The following HACE1 variants were observed in gnomAD, a reference collection of about 807,000 sequenced individuals.
HACE1 encodes the protein HECT domain and ankyrin repeat containing E3 ubiquitin protein ligase 1.
In HACE1, 73 loss-of-function variants were observed where a neutral mutation model predicts 118.4. The observed-to-expected ratio is 0.62, with a 90% CI of 0.51 to 0.75. HACE1 has a LOEUF of 0.75. HACE1 is among the 30% of genes least tolerant of loss of function. HACE1 has a pLI of 0.00. For synonymous variants in HACE1, 368 were observed against 374.8 expected (o/e 0.98, Z 0.21); for missense variants, 749 against 1,102.2 (o/e 0.68, Z 4.54).
chr6:104,778,375 A>T (rs1041761319), intron 14 of HACE1, among the ~76,000 whole-genome samples: 13 of 151,052 alleles, frequency 8.6e-5, no homozygotes, highest in African/African-American at 2.2e-4. Flanking sequence ...AGAGTAACAC[A>T]ATATATATAT....
rs1247743710 is a variant in HACE1 at position 104,728,665 on chromosome 6, TC to T, written c.*996del. On this transcript the variant is annotated 3_prime_UTR_variant, in exon 24 of 24. Coordinates refer to ENST00000262903, the MANE Select transcript of HACE1 (RefSeq NM_020771.4). ...TTAGCATTTCTTCGTGTATGCATGTTCCTACTTCCTGTTCAAACATATGCTG... is the reference window on the plus strand; with the variant it reads ...TTAGCATTTCTTCGTGTATGCATGTTCTACTTCCTGTTCAAACATATGCTG... The T allele has an allele frequency of 1.3e-5, 2 of 152,180 alleles. No individual in the cohort carries two copies. Among genetic ancestry groups the T allele is most frequent in the African/African-American group, 4.8e-5 (2 of 41,458 alleles). The allele number at this position is 152,180 out of a possible 1,614,324, so 9.4% of individuals were successfully genotyped here. A position where few individuals can be genotyped will look rare whatever the true frequency, so the allele number is the denominator to read the frequency against.
At chr6:104,851,153 G>A (rs1217043718) in intron 2 of HACE1, among the ~76,000 whole-genome samples, 157 bp from the exon 3 acceptor site, 1 of 152,134 alleles carries the variant, frequency 6.6e-6, no homozygotes, top group African/African-American at 2.4e-5. Context: ...GCGAGATCTT[G>A]GCTCACTGCA....
intron 6 of HACE1, chr6:104,824,939 C>T (rs1330761401): frequency 2.6e-5 from 4 of 151,480 alleles, no homozygotes; most frequent in Non-Finnish European, 4.4e-5. Flanking sequence ...AAAAATTAGC[C>T]GGGCGTGGTG....
chr6:104,744,163 C>A lies in HACE1; in HGVS notation c.2510G>T (p.Gly837Val), dbSNP rs1435397744. The A allele has an allele frequency of 2.6e-6, 4 of 1,562,228 alleles. No homozygotes were observed. Among genetic ancestry groups the A allele is most frequent in the Non-Finnish European group, 3.5e-6 (4 of 1,133,010 alleles). Residue 837 changes from glycine (G) to valine (V), a missense_variant, in exon 22 of 24, where the codon GGC becomes GTC. Gly to Val is a moderately radical substitution (Grantham distance 109). Coordinates refer to ENST00000262903, the MANE Select transcript of HACE1 (RefSeq NM_020771.4). ...ERVLLLQFVT[G>V]SSRVPHGGFA... ...TTATCATAAAAATACTGCTTACCTG[C>A]CCGTAACAAACTGTAAGAGAAGAAC... is the stretch of plus-strand genomic sequence containing the variant.
chr6:104,849,065 G>A, intron 4 of HACE1, 77 bp downstream of exon 4: 2 of 816,912 alleles, frequency 2.4e-6, no homozygotes, highest in Non-Finnish European at 4.4e-6. Flanking sequence ...GATGCGGGAG[G>A]AATCATCAAA....
chr6:104,844,836 G>A (rs980087550), intron 4 of HACE1, among the ~76,000 whole-genome samples: 3 of 150,750 alleles, frequency 2.0e-5, no homozygotes, highest in African/African-American at 7.3e-5. Context: ...CTAATTTTTC[G>A]TATTTTTAGT....
intron 7 of HACE1, among the ~76,000 whole-genome samples, chr6:104,808,003 A>G (rs950328250): frequency 6.6e-6 from 1 of 152,142 alleles, no homozygotes; most frequent in African/African-American, 2.4e-5. Context: ...CCCAGGCAAC[A>G]TGGCAAAACG....
intron 5 of HACE1, among the ~76,000 whole-genome samples, chr6:104,842,061 T>C (rs540673933): frequency 2.0e-5 from 3 of 152,300 alleles, no homozygotes; most frequent in Admixed American, 2.0e-4. Context: ...AATTTTATCT[T>C]TGGGATGCAG....
intron 22 of HACE1, among the ~76,000 whole-genome samples, chr6:104,734,332 C>T (rs543506789): frequency 8.6e-5 from 13 of 151,760 alleles, no homozygotes; most frequent in South Asian, 8.3e-4. Context: ...AGTAAGGTTG[C>T]GCTAAATTAT....
chr6:104,791,441 ATGCTTTGTC>A, intron 11 of HACE1, 54 bp downstream of exon 11: 1 of 1,404,692 alleles, frequency 7.1e-7, no homozygotes, highest in Non-Finnish European at 1.0e-6. Flanking sequence ...TAATGAATGC[ATGCTTTGTC>A]AAATTCATCT....
At chr6:104,828,633 T>C (rs1773562891) in intron 6 of HACE1, among the ~76,000 whole-genome samples, 1 of 152,074 alleles carries the variant, frequency 6.6e-6, no homozygotes. Context: ...GGTGCTATTA[T>C]GCTACAATGA....
intron 6 of HACE1, among the ~76,000 whole-genome samples, chr6:104,823,589 A>G (rs1236723203): frequency 2.6e-5 from 4 of 152,096 alleles, no homozygotes; most frequent in Non-Finnish European, 5.9e-5. Context: ...TCAATAGCGC[A>G]CTTGCAGATA....
At chr6:104,836,000 CAT>C (rs1220029959) in intron 5 of HACE1, among the ~76,000 whole-genome samples, 1 of 152,190 alleles carries the variant, frequency 6.6e-6, no homozygotes, top group Non-Finnish European at 1.5e-5. Context: ...AGACTCAAGT[CAT>C]ATCAAACATG....
At chr6:104,786,305 C>A (rs1268049467) in intron 11 of HACE1, 1 of 145,730 alleles carries the variant, frequency 6.9e-6, no homozygotes, top group Non-Finnish European at 1.5e-5. Flanking sequence ...CACACCACTG[C>A]ACTCCAGCCT....
At chr6:104,798,069 GAA>G (rs11331345) in intron 7 of HACE1, among the ~76,000 whole-genome samples, 54 of 128,166 alleles carry the variant, frequency 4.2e-4, no homozygotes, top group African/African-American at 6.2e-4. Flanking sequence ...ACCCCGTCTC[GAA>G]AAAAAAAAAA....
intron 5 of HACE1, among the ~76,000 whole-genome samples, chr6:104,835,363 A>G (rs1465531334): frequency 6.6e-6 from 1 of 152,200 alleles, no homozygotes; most frequent in African/African-American, 2.4e-5. Context: ...AGAAAAAACT[A>G]TATTTAATAC....
chr6:104,857,449 T>C (rs1344845982), intron 1 of HACE1, among the ~76,000 whole-genome samples: 1 of 151,668 alleles, frequency 6.6e-6, no homozygotes, highest in Non-Finnish European at 1.5e-5. Context: ...AAGGAGTAAG[T>C]TGAGAAACTG....
intron 17 of HACE1, among the ~76,000 whole-genome samples, chr6:104,773,137 G>T (rs1289298258): frequency 6.6e-6 from 1 of 151,704 alleles, no homozygotes; most frequent in Non-Finnish European, 1.5e-5. Context: ...ATTTTTCTGT[G>T]ATGGTCACTA....
rs61756660 is a variant in HACE1 at position 104,771,304 on chromosome 6, A to G, written c.2100T>C (p.Ser700=). The part of the protein sequence containing the change: ...NLQWILDNDI[S]DLGLELTFSV... The stretch of plus-strand genomic sequence containing the variant: ...AAAAAGTTAGTTCTAGACCCAGATC[A>G]CTTATATCATTATCTAAAATCCATT... Residue 700 remains serine (S), a synonymous_variant, in exon 19 of 24, where the codon AGT becomes AGC. Coordinates refer to ENST00000262903, the MANE Select transcript of HACE1 (RefSeq NM_020771.4). 416 of 1,611,094 alleles carry G rather than the reference A, an allele frequency of 2.6e-4. 1 individual carries two copies. Among genetic ancestry groups the G allele is most frequent in the Non-Finnish European group, 3.4e-4 (395 of 1,177,376 alleles).
Sources: allele counts gnomAD v4.1 joint callset (sites outside exome capture counted in the v4.1 genomes callset), GRCh38; gene constraint gnomAD v4.1.1; transcripts MANE v1.5; gene names NCBI Gene and HGNC (gene_info 2026-07-23, HGNC 2026-07-21).